SLC38A4: variants seen among roughly 807,000 people sequenced by gnomAD.
The protein encoded by SLC38A4 is sodium-coupled neutral amino acid transporter 4.
A neutral mutation model predicts 63.1 loss-of-function variants in SLC38A4; 20 were observed. That is an observed-to-expected ratio of 0.32 (90% CI 0.22 to 0.46). The LOEUF (loss-of-function observed/expected upper bound fraction) is 0.46, where lower values mean the gene tolerates loss of function less well. Ranked by LOEUF, SLC38A4 falls within the 20% of genes least tolerant of loss-of-function variation. The pLI is 1.00. For missense variants in SLC38A4, 526 were observed against 663.6 expected (o/e 0.79, Z 2.28); for synonymous variants, 230 against 225.5 (o/e 1.02, Z -0.18).
At chr12:46,823,558 A>G (rs1032153613) in intron 1 of SLC38A4, among the ~76,000 whole-genome samples, 7 of 152,210 alleles carry the variant, frequency 4.6e-5, no homozygotes, top group Admixed American at 3.9e-4. Flanking sequence ...TTTTCTGGTA[A>G]CAGAAATCAT....
intron 2 of SLC38A4, among the ~76,000 whole-genome samples, chr12:46,793,818 T>C (rs1363791961): frequency 6.6e-6 from 1 of 152,188 alleles, no homozygotes; most frequent in Non-Finnish European, 1.5e-5. Flanking sequence ...CTGTGTCAAA[T>C]TAAAATGTAT....
At chr12:46,774,923 G>A in intron 14 of SLC38A4, 126 bp downstream of exon 14, 2 of 1,113,986 alleles carry the variant, frequency 1.8e-6, no homozygotes, top group Non-Finnish European at 2.5e-6. Flanking sequence ...AATGCTATAG[G>A]AAAATAATAT....
At chr12:46,809,379 C>G (rs770161067) in intron 1 of SLC38A4, among the ~76,000 whole-genome samples, 1 of 152,040 alleles carries the variant, frequency 6.6e-6, no homozygotes, top group Non-Finnish European at 1.5e-5. Context: ...ATAGTGTCAT[C>G]GACATTTCCT....
At chr12:46,785,629 C>T (rs1024421310) in intron 5 of SLC38A4, among the ~76,000 whole-genome samples, 1 of 151,748 alleles carries the variant, frequency 6.6e-6, no homozygotes, top group South Asian at 2.1e-4. Context: ...AGCTGCATTA[C>T]TGCTGATCCT....
At chr12:46,820,809 T>G (rs1018344113) in intron 1 of SLC38A4, among the ~76,000 whole-genome samples, 4 of 152,074 alleles carry the variant, frequency 2.6e-5, no homozygotes, top group African/African-American at 9.7e-5. Context: ...GTACAAGTGT[T>G]CCCTTTTCTC....
intron 2 of SLC38A4, among the ~76,000 whole-genome samples, chr12:46,797,775 G>C (rs971121531): frequency 6.6e-6 from 1 of 152,076 alleles, no homozygotes; most frequent in Non-Finnish European, 1.5e-5. Flanking sequence ...GTGTCCAGGG[G>C]CCTAAATGTC....
At chr12:46,799,632 CT>C (rs1939089902) in intron 2 of SLC38A4, among the ~76,000 whole-genome samples, 1 of 152,050 alleles carries the variant, frequency 6.6e-6, no homozygotes, top group African/African-American at 2.4e-5. Context: ...GCCAAGGGAG[CT>C]CTCACAAAAG....
chr12:46,809,692 C>T (rs1352990080), intron 1 of SLC38A4, among the ~76,000 whole-genome samples: 1 of 152,028 alleles, frequency 6.6e-6, no homozygotes, highest in Non-Finnish European at 1.5e-5. Flanking sequence ...ACCAGTCTTT[C>T]TTTAAATATA....
At chr12:46,798,514 TG>T (rs1302941970) in intron 2 of SLC38A4, among the ~76,000 whole-genome samples, 2 of 152,140 alleles carry the variant, frequency 1.3e-5, no homozygotes, top group Admixed American at 1.3e-4. Flanking sequence ...CAACTTAGTC[TG>T]GGGGATCAGG....
At chr12:46,802,298 G>C (rs1409990391) in intron 2 of SLC38A4, among the ~76,000 whole-genome samples, 1 of 151,978 alleles carries the variant, frequency 6.6e-6, no homozygotes, top group Non-Finnish European at 1.5e-5. Context: ...AACTCTTTCT[G>C]CTCCACATTT....
intron 15 of SLC38A4, 149 bp from the exon 16 acceptor site, chr12:46,768,556 G>A: frequency 2.1e-6 from 1 of 483,164 alleles, no homozygotes; most frequent in Admixed American, 3.6e-5. Context: ...AGCTCATCTT[G>A]GTTATTTATT....
chr12:46,804,891 T>C (rs1045132722), intron 1 of SLC38A4, among the ~76,000 whole-genome samples: 1 of 152,040 alleles, frequency 6.6e-6, no homozygotes, highest in Non-Finnish European at 1.5e-5. Flanking sequence ...AAATTCCTTT[T>C]AAAATTTCTA....
chr12:46,774,193 A>G (rs372127290), intron 14 of SLC38A4, among the ~76,000 whole-genome samples: 1 of 152,226 alleles, frequency 6.6e-6, no homozygotes, highest in East Asian at 1.9e-4. Context: ...CACAAGCTGC[A>G]TTTAAAGTGA....
chr12:46,770,575 G>A (rs1488223363), intron 14 of SLC38A4, among the ~76,000 whole-genome samples: 1 of 152,102 alleles, frequency 6.6e-6, no homozygotes, highest in Admixed American at 6.6e-5. Context: ...ATAAGTAGGC[G>A]AAGGGTCAAG....
intron 2 of SLC38A4, among the ~76,000 whole-genome samples, chr12:46,800,060 A>T (rs1939098209): frequency 6.6e-6 from 1 of 152,168 alleles, no homozygotes. Context: ...ATTGAAACAT[A>T]AAATTTTCAT....
chr12:46,813,868 T>C (rs1285932968), intron 1 of SLC38A4, among the ~76,000 whole-genome samples: 2 of 152,038 alleles, frequency 1.3e-5, no homozygotes, highest in Non-Finnish European at 2.9e-5. Context: ...TGTAGAGCAT[T>C]GAGAAGAGCA....
At chr12:46,777,626 G>A (rs567826403) in intron 12 of SLC38A4, among the ~76,000 whole-genome samples, 12 of 152,004 alleles carry the variant, frequency 7.9e-5, no homozygotes, top group Non-Finnish European at 1.6e-4. Context: ...CTGATGTCTA[G>A]ATTAAAGAAG....
chr12:46,831,448 C>G (rs923120053), intron 1 of SLC38A4, among the ~76,000 whole-genome samples: 2 of 152,238 alleles, frequency 1.3e-5, no homozygotes, highest in Admixed American at 1.3e-4. Context: ...TTGCCGCGAC[C>G]CCACTATCCG....
At chr12:46,812,494 G>A (rs1002652581) in intron 1 of SLC38A4, among the ~76,000 whole-genome samples, 1 of 151,894 alleles carries the variant, frequency 6.6e-6, no homozygotes, top group African/African-American at 2.4e-5. Flanking sequence ...AGAAGATCTG[G>A]GTTCTAATTC....
Sources: gnomAD v4.1 joint callset for allele counts (sites outside exome capture counted in the v4.1 genomes callset) on GRCh38, gnomAD v4.1.1 for gene constraint, MANE v1.5 for transcripts, NCBI Gene and HGNC (gene_info 2026-07-23, HGNC 2026-07-21) for gene names.